LY75: variants seen among roughly 807,000 people sequenced by gnomAD.
LY75 encodes the protein lymphocyte antigen 75.
A neutral mutation model predicts 231.7 loss-of-function variants in LY75; 185 were observed. The observed-to-expected ratio is 0.80, with a 90% CI of 0.71 to 0.90. The LOEUF (loss-of-function observed/expected upper bound fraction) is 0.90, where lower values mean the gene tolerates loss of function less well. LY75 is among the 40% of genes least tolerant of loss of function. The pLI is 0.00. For synonymous variants in LY75, 668 were observed against 689.0 expected, an observed-to-expected ratio of 0.97 and a Z score of 0.48; for missense variants, 1,947 against 2,050.2, an observed-to-expected ratio of 0.95 and a Z score of 0.97.
At position 159,803,365 on chromosome 2, in the gene LY75, A is replaced by C. The variant is rs1574512532; in HGVS notation, c.*1679T>G. On this transcript the variant is annotated 3_prime_UTR_variant, in exon 35 of 35. Coordinates refer to ENST00000263636, the MANE Select transcript of LY75 (RefSeq NM_002349.4). The stretch of plus-strand genomic sequence containing the variant: ...GATCAACTCCAGCACTTTTACTTTT[A>C]CTTAAAAGATAAAACAACTTTATTA... 6.6e-6 allele frequency: 1 copy of C among 152,020 alleles called. No homozygotes were observed. Among genetic ancestry groups the C allele is most frequent in the East Asian group, 1.9e-4 (1 of 5,192 alleles). The allele number at this position is 152,020 out of a possible 1,614,324, so 9.4% of individuals were successfully genotyped here. A position where few individuals can be genotyped will look rare whatever the true frequency, so the allele number is the denominator to read the frequency against.
chr2:159,886,260 A>G (rs2666986), intron 5 of LY75, among the ~76,000 whole-genome samples, 160 bp downstream of exon 5: 42,352 of 152,096 alleles, frequency 0.28, 6,302 homozygotes, highest in South Asian at 0.59. Flanking sequence ...CAATAACAGT[A>G]CCACAATTAA....
chr2:159,824,032 T>A (rs552088921), intron 28 of LY75, among the ~76,000 whole-genome samples: 3 of 152,168 alleles, frequency 2.0e-5, no homozygotes, highest in Non-Finnish European at 4.4e-5. Flanking sequence ...ATGAAGAAAC[T>A]GCATCAACTA....
At chr2:159,812,771 C>T (rs1317254014) in intron 31 of LY75, among the ~76,000 whole-genome samples, 1 of 152,142 alleles carries the variant, frequency 6.6e-6, no homozygotes, top group Non-Finnish European at 1.5e-5. Flanking sequence ...TGTTGTACAA[C>T]TATCACCACC....
At chr2:159,823,548 T>C (rs1227698533) in intron 28 of LY75, among the ~76,000 whole-genome samples, 1 of 152,084 alleles carries the variant, frequency 6.6e-6, no homozygotes, top group Non-Finnish European at 1.5e-5. Context: ...TGGGAGAACT[T>C]CACCAACCTA....
chr2:159,823,745 G>A (rs1411689159), intron 28 of LY75, among the ~76,000 whole-genome samples: 2 of 152,198 alleles, frequency 1.3e-5, no homozygotes, highest in Admixed American at 6.5e-5. Context: ...ACTAATAGTA[G>A]ATCTCCCTGC....
chr2:159,807,554 G>A (rs1490255343), intron 33 of LY75: 4 of 839,004 alleles, frequency 4.8e-6, no homozygotes, highest in East Asian at 2.5e-4. Context: ...GGTGGAAGAG[G>A]AAGGGTGCAG....
At chr2:159,826,666 A>G (rs559801153) in intron 28 of LY75, among the ~76,000 whole-genome samples, 14 of 152,312 alleles carry the variant, frequency 9.2e-5, no homozygotes, top group Admixed American at 7.8e-4. Context: ...CTGGACAAGA[A>G]GAACAAAGAT....
At chr2:159,839,652 C>T (rs1683941575) in intron 25 of LY75, among the ~76,000 whole-genome samples, 1 of 152,104 alleles carries the variant, frequency 6.6e-6, no homozygotes, top group Admixed American at 6.6e-5. Flanking sequence ...TATCCTCTTG[C>T]CTCCAGAGTA....
chr2:159,842,206 AG>A, intron 24 of LY75, 38 bp downstream of exon 24: 1 of 1,580,768 alleles, frequency 6.3e-7, no homozygotes, highest in African/African-American at 1.6e-5. Context: ...TATATGTAAT[AG>A]CATAAAGTAC....
At position 159,804,827 on chromosome 2, in the gene LY75, C is replaced by G; in HGVS notation, c.*217G>C. 2.6e-6 allele frequency: 1 copy of G among 383,582 alleles called. No homozygotes were observed. Among genetic ancestry groups the G allele is most frequent in the Non-Finnish European group, 4.8e-6 (1 of 208,424 alleles). The allele number at this position is 383,582 out of a possible 1,614,324, so 23.8% of individuals were successfully genotyped here. On this transcript the variant is annotated 3_prime_UTR_variant, in exon 35 of 35. Transcript: ENST00000263636. ...TGTACAAACAATTTGGACTTCAGTTCCAGCTTTGGAGTCCCCTCCATTCTA... is the reference window on the plus strand; with the variant it reads ...TGTACAAACAATTTGGACTTCAGTTGCAGCTTTGGAGTCCCCTCCATTCTA...
At position 159,902,166 on chromosome 2, in the gene LY75, C is replaced by T. The variant is rs1036834741; in HGVS notation, c.94+2423G>A. 2.6e-5 allele frequency among the ~76,000 whole-genome samples: 4 copies of T among 152,256 alleles called. No homozygotes were observed. In the South Asian group the frequency reaches 6.2e-4, roughly 24 times the overall value. On this transcript the variant is annotated intron_variant, in intron 1 of 34. Coordinates refer to ENST00000263636, the MANE Select transcript of LY75 (RefSeq NM_002349.4). ...TAGATTCTTTATCAATAGCTTTCTA[C>T]TGGGTTTTGTTCACTTTACAACTTT...
At chr2:159,862,290 T>TTA (rs1684731065) in intron 14 of LY75, among the ~76,000 whole-genome samples, 1 of 16,596 alleles carries the variant, frequency 6.0e-5, no homozygotes, top group Non-Finnish European at 2.9e-4. Context: ...AGACTACGTC[T>TTA]CAAAAAAAAA....
intron 11 of LY75, among the ~76,000 whole-genome samples, chr2:159,877,028 A>AAAAAAAAAAAAAAG (rs1553810533): frequency 1.0e-4 from 12 of 117,110 alleles, no homozygotes; most frequent in South Asian, 4.0e-4. Flanking sequence ...AAAAAAAAAA[A>AAAAAAAAAAAAAAG]AAAAAAGAAA....
chr2:159,858,996 C>A (rs1293680053), intron 15 of LY75, among the ~76,000 whole-genome samples: 2 of 152,138 alleles, frequency 1.3e-5, no homozygotes, highest in Non-Finnish European at 2.9e-5. Context: ...CTCTTAAGAC[C>A]AAGTTTCTGG....
At position 159,898,834 on chromosome 2, in the gene LY75, C is replaced by T. The variant is rs373509794; in HGVS notation, c.320G>A (p.Trp107Ter). ...MFSCDSSAMLWWKCEHHSLYG... is the reference protein window; with the variant it reads ...MFSCDSSAML ...CAGAGAGTGGTGCTCACATTTCCAC[C>T]ACAGCATGGCACTGGAGTCACAGCT... Residue 107 changes from tryptophan to a stop codon, truncating the protein, a stop_gained, in exon 2 of 35, where the codon TGG (tryptophan) becomes TAG (stop). Transcript: ENST00000263636. LOFTEE classifies it high-confidence loss of function. 1 of 1,614,090 alleles carries T rather than the reference C, an allele frequency of 6.2e-7. No individual in the cohort carries two copies. The highest frequency in any genetic ancestry group is 1.3e-5 in the African/African-American group (1 of 74,932).
intron 25 of LY75, among the ~76,000 whole-genome samples, chr2:159,837,048 A>C (rs912914476): frequency 6.6e-6 from 1 of 152,242 alleles, no homozygotes; most frequent in African/African-American, 2.4e-5. Context: ...TGGTGGGATT[A>C]TAAATTAGTT....
chr2:159,833,868 C>T (rs1334520088), intron 27 of LY75, among the ~76,000 whole-genome samples, 176 bp downstream of exon 27: 1 of 152,230 alleles, frequency 6.6e-6, no homozygotes, highest in African/African-American at 2.4e-5. Context: ...TGCACATGCT[C>T]TCTTGCCTGC....
At chr2:159,816,724 TTG>T in intron 30 of LY75, 80 bp downstream of exon 30, 1 of 1,559,770 alleles carries the variant, frequency 6.4e-7, no homozygotes, top group Non-Finnish European at 8.7e-7. Flanking sequence ...ATGTTGTACT[TTG>T]TGTTAATACT....
rs910608411 is a variant in LY75, at chr2:159,804,612, T to C, written c.*432A>G. ...GAAACAATGCTGATAGAGTTTACAG[T>C]TCAATTTTTACTTTGAGGTACTAAT... On this transcript the variant is annotated 3_prime_UTR_variant, in exon 35 of 35. Transcript: ENST00000263636. 6.5e-6 allele frequency: 1 copy of C among 153,734 alleles called. No individual in the cohort carries two copies. Among genetic ancestry groups the C allele is most frequent in the Non-Finnish European group, 1.5e-5 (1 of 68,794 alleles). 9.5% of individuals were successfully genotyped at this position (153,734 alleles called of 1,614,324 possible).
Sources: gnomAD v4.1 joint callset for allele counts (sites outside exome capture counted in the v4.1 genomes callset) on GRCh38, gnomAD v4.1.1 for gene constraint, MANE v1.5 for transcripts, NCBI Gene and HGNC (gene_info 2026-07-23, HGNC 2026-07-21) for gene names.